The following SYNPR variants were observed in gnomAD, a reference collection of about 807,000 sequenced individuals.
The protein encoded by SYNPR is synaptoporin.
SYNPR carries 23 observed loss-of-function variants against 32.9 expected under a neutral mutation model. That is an observed-to-expected ratio of 0.70 (90% CI 0.50 to 0.99). The LOEUF is 0.99. Among genes scored for constraint, SYNPR ranks in the 50% least tolerant of loss-of-function variants. The pLI, the probability that SYNPR is intolerant of heterozygous loss-of-function variation, is 0.00. For synonymous variants in SYNPR, 146 were observed against 135.9 expected (o/e 1.07, Z -0.52); for missense variants, 318 against 349.3 (o/e 0.91, Z 0.71).
At chr3:63,605,449 A>G (rs1266005677) in intron 4 of SYNPR, among the ~76,000 whole-genome samples, 2 of 152,226 alleles carry the variant, frequency 1.3e-5, no homozygotes, top group Non-Finnish European at 2.9e-5. Flanking sequence ...AGGTTTCCAC[A>G]CTGCTATTTC....
At chr3:63,540,578 A>G (rs2221477) in intron 3 of SYNPR, among the ~76,000 whole-genome samples, 35,411 of 151,812 alleles carry the variant, frequency 0.23, 4,185 homozygotes, top group East Asian at 0.33. Flanking sequence ...AAAAGAGGGA[A>G]GGGGAAATGG....
At chr3:63,531,862 G>A (rs1031512125) in intron 3 of SYNPR, among the ~76,000 whole-genome samples, 1 of 152,060 alleles carries the variant, frequency 6.6e-6, no homozygotes, top group Non-Finnish European at 1.5e-5. Flanking sequence ...CACTGGTGTT[G>A]GGGAAATGAG....
chr3:63,442,878 TAAC>T (rs892842016), intron 2 of SYNPR, among the ~76,000 whole-genome samples: 2 of 152,170 alleles, frequency 1.3e-5, no homozygotes, highest in South Asian at 2.1e-4. Flanking sequence ...TTAACAAACA[TAAC>T]AACATTTACT....
At chr3:63,570,527 T>C (rs1702869044) in intron 4 of SYNPR, among the ~76,000 whole-genome samples, 1 of 152,176 alleles carries the variant, frequency 6.6e-6, no homozygotes, top group Admixed American at 6.5e-5. Flanking sequence ...TCTGCATAGC[T>C]ACTGAGCTGC....
At chr3:63,239,772 C>T (rs1431627464) in intron 1 of SYNPR, among the ~76,000 whole-genome samples, 4 of 151,488 alleles carry the variant, frequency 2.6e-5, no homozygotes, top group Non-Finnish European at 5.9e-5. Context: ...CTCATCCTAC[C>T]ATTGTCAAGT....
At chr3:63,238,399 G>A (rs2086214550) in intron 1 of SYNPR, among the ~76,000 whole-genome samples, 1 of 151,946 alleles carries the variant, frequency 6.6e-6, no homozygotes, top group Admixed American at 6.6e-5. Flanking sequence ...AAGAGGGTCT[G>A]ATTGGTTCGG....
At chr3:63,359,993 AG>A (rs924665942) in intron 2 of SYNPR, among the ~76,000 whole-genome samples, 108 of 152,338 alleles carry the variant, frequency 7.1e-4, no homozygotes, top group African/African-American at 2.5e-3. Context: ...ATTTATAGCC[AG>A]TCTCATCTGA....
chr3:63,568,457 C>A (rs1312794917), intron 4 of SYNPR, among the ~76,000 whole-genome samples: 1 of 152,160 alleles, frequency 6.6e-6, no homozygotes, highest in Non-Finnish European at 1.5e-5. Flanking sequence ...CAAGTCCCTT[C>A]TTTGGGAGAA....
chr3:63,592,054 C>T (rs1459896825), intron 4 of SYNPR, among the ~76,000 whole-genome samples: 1 of 151,808 alleles, frequency 6.6e-6, no homozygotes, highest in Non-Finnish European at 1.5e-5. Flanking sequence ...TGGGTGGGCC[C>T]TAAATCCAAT....
chr3:63,463,900 T>C (rs1473955637), intron 2 of SYNPR, among the ~76,000 whole-genome samples: 1 of 152,208 alleles, frequency 6.6e-6, no homozygotes, highest in Non-Finnish European at 1.5e-5. Context: ...TTATCTATTT[T>C]TTTGTAATGT....
chr3:63,401,035 A>G (rs1021881281), intron 2 of SYNPR, among the ~76,000 whole-genome samples: 1 of 151,804 alleles, frequency 6.6e-6, no homozygotes, highest in African/African-American at 2.4e-5. Context: ...GCAATACACA[A>G]AAAAGGTTTT....
At chr3:63,288,030 C>G (rs577720940) in intron 2 of SYNPR, among the ~76,000 whole-genome samples, 3 of 152,116 alleles carry the variant, frequency 2.0e-5, no homozygotes, top group Non-Finnish European at 4.4e-5. Context: ...CTCTGTGTTC[C>G]CTTTCTGTTT....
At chr3:63,235,799 C>T (rs181658833) in intron 1 of SYNPR, among the ~76,000 whole-genome samples, 1 of 152,190 alleles carries the variant, frequency 6.6e-6, no homozygotes, top group Admixed American at 6.6e-5. Flanking sequence ...TATTTTCTCA[C>T]AGTCTAGTAA....
intron 3 of SYNPR, among the ~76,000 whole-genome samples, chr3:63,528,280 A>C (rs1320677698): frequency 6.6e-6 from 1 of 152,200 alleles, no homozygotes; most frequent in Non-Finnish European, 1.5e-5. Context: ...GGGAATACTG[A>C]GTTAAGCAAA....
At chr3:63,394,896 A>C (rs985409332) in intron 2 of SYNPR, among the ~76,000 whole-genome samples, 1 of 152,192 alleles carries the variant, frequency 6.6e-6, no homozygotes, top group African/African-American at 2.4e-5. Flanking sequence ...TAAGGTTTGC[A>C]ATTATCTCAT....
chr3:63,498,589 A>G (rs1701416482), intron 3 of SYNPR, among the ~76,000 whole-genome samples: 1 of 152,124 alleles, frequency 6.6e-6, no homozygotes, highest in African/African-American at 2.4e-5. Context: ...AAGATGAACG[A>G]TTGCAAAGAT....
intron 4 of SYNPR, among the ~76,000 whole-genome samples, chr3:63,570,217 T>A (rs1418526753): frequency 6.6e-6 from 1 of 151,870 alleles, no homozygotes; most frequent in African/African-American, 2.4e-5. Context: ...ACAGGGCGGG[T>A]GAGGGGGCCA....
At chr3:63,396,678 A>C (rs2088218500) in intron 2 of SYNPR, among the ~76,000 whole-genome samples, 1 of 152,176 alleles carries the variant, frequency 6.6e-6, no homozygotes, top group Non-Finnish European at 1.5e-5. Context: ...TCTGACATAG[A>C]TGCAAACTGG....
At chr3:63,447,018 T>C (rs564810220) in intron 2 of SYNPR, among the ~76,000 whole-genome samples, 1 of 152,146 alleles carries the variant, frequency 6.6e-6, no homozygotes, top group South Asian at 2.1e-4. Context: ...TGTCTTTCTC[T>C]TGTTCTTAAA....
Sources: allele counts gnomAD v4.1 joint callset (sites outside exome capture counted in the v4.1 genomes callset), GRCh38; gene constraint gnomAD v4.1.1; transcripts MANE v1.5; gene names NCBI Gene and HGNC (gene_info 2026-07-23, HGNC 2026-07-21).